ARHGEF7: variants seen among roughly 807,000 people sequenced by gnomAD.
ARHGEF7 encodes the protein Rho guanine nucleotide exchange factor 7, also known as PAK-interacting exchange factor beta.
ARHGEF7 carries 33 observed loss-of-function variants against 109.8 expected under a neutral mutation model. The observed-to-expected ratio is 0.30, with a 90% CI of 0.23 to 0.40. The LOEUF is 0.40. Among genes scored for constraint, ARHGEF7 ranks in the 10% least tolerant of loss-of-function variants. The probability of loss-of-function intolerance (pLI) is 1.00; values close to 1 mark genes in which losing one functional copy is unlikely to be tolerated. For missense variants in ARHGEF7, 938 were observed against 1,098.5 expected, an observed-to-expected ratio of 0.85 and a Z score of 2.07; for synonymous variants, 458 against 424.6, an observed-to-expected ratio of 1.08 and a Z score of -0.97.
intron 1 of ARHGEF7, among the ~76,000 whole-genome samples, chr13:111,118,286 C>T (rs561723685): frequency 4.2e-4 from 64 of 152,318 alleles, no homozygotes; most frequent in African/African-American, 1.5e-3. Flanking sequence ...GCAGAGAGGA[C>T]GTTCACGGCG....
At position 111,131,693 on chromosome 13, in the gene ARHGEF7, G is replaced by T. The variant is rs1028692900; in HGVS notation, c.165+16002G>T. Among the ~76,000 whole-genome samples, 4 of 152,260 alleles carry T rather than the reference G, an allele frequency of 2.6e-5. No homozygotes were observed. Among genetic ancestry groups the T allele is most frequent in the Non-Finnish European group, 5.9e-5 (4 of 68,014 alleles). Reference sequence around the variant, plus strand: ...GACGGGCAGTGACCTGAGGTCAGGGGACGAGAGTGCTGGTGTGTTTCTGAG... The same window carrying T: ...GACGGGCAGTGACCTGAGGTCAGGGTACGAGAGTGCTGGTGTGTTTCTGAG... On this transcript the variant is annotated intron_variant, in intron 1 of 21. Coordinates refer to ENST00000646102, the MANE Select transcript of ARHGEF7 (RefSeq NM_001354046.2). The surrounding 1 kb of genome is among the most constrained non-coding windows in gnomAD (Gnocchi z 4.4).
chr13:111,181,194 C>T (rs1474149543), intron 2 of ARHGEF7, among the ~76,000 whole-genome samples: 1 of 152,142 alleles, frequency 6.6e-6, no homozygotes, highest in African/African-American at 2.4e-5. Context: ...TAGTGTGGAT[C>T]ATGGTCAAGA....
At chr13:111,260,176 CAT>C (rs1223037124) in intron 8 of ARHGEF7, among the ~76,000 whole-genome samples, 1 of 152,152 alleles carries the variant, frequency 6.6e-6, no homozygotes, top group Non-Finnish European at 1.5e-5. Context: ...TAAAGAGAGA[CAT>C]AGGGGTAGAA....
chr13:111,296,287 T>A (rs1278085221), intron 19 of ARHGEF7, among the ~76,000 whole-genome samples: 1 of 152,228 alleles, frequency 6.6e-6, no homozygotes, highest in African/African-American at 2.4e-5. Context: ...ATCCCTAAAA[T>A]GTTAAGTTTT....
chr13:111,260,461 A>C (rs1566990119), intron 8 of ARHGEF7, among the ~76,000 whole-genome samples: 1 of 152,240 alleles, frequency 6.6e-6, no homozygotes, highest in Non-Finnish European at 1.5e-5. Flanking sequence ...TGGGCCTGAC[A>C]TATTTAAATT....
At chr13:111,264,859 A>G (rs999024887) in intron 8 of ARHGEF7, among the ~76,000 whole-genome samples, 1 of 152,184 alleles carries the variant, frequency 6.6e-6, no homozygotes, top group African/African-American at 2.4e-5. Flanking sequence ...TATTTACCGT[A>G]ACTACATTTG....
chr13:111,158,029 G>A (rs2076472440), intron 2 of ARHGEF7, among the ~76,000 whole-genome samples: 1 of 152,200 alleles, frequency 6.6e-6, no homozygotes, highest in Non-Finnish European at 1.5e-5. Context: ...AAGGATATAA[G>A]ATTCCAGTTA....
chr13:111,120,245 A>G (rs1292337325), intron 1 of ARHGEF7, among the ~76,000 whole-genome samples: 1 of 152,250 alleles, frequency 6.6e-6, no homozygotes, highest in African/African-American at 2.4e-5. Context: ...AAAAGAAAGC[A>G]AACAAACTGA....
At chr13:111,222,528 C>G (rs1483447410) in intron 5 of ARHGEF7, among the ~76,000 whole-genome samples, 2 of 152,192 alleles carry the variant, frequency 1.3e-5, no homozygotes, top group Non-Finnish European at 2.9e-5. Flanking sequence ...TTCCTGGGTT[C>G]AAGCGATTCT....
chr13:111,289,919 A>G (rs1234777554), intron 18 of ARHGEF7, among the ~76,000 whole-genome samples: 1 of 152,190 alleles, frequency 6.6e-6, no homozygotes, highest in South Asian at 2.1e-4. Context: ...AAAAATATCC[A>G]TTTGTAGTGA....
chr13:111,206,335 G>A (rs1240985652), intron 3 of ARHGEF7, among the ~76,000 whole-genome samples: 3 of 152,036 alleles, frequency 2.0e-5, no homozygotes, highest in Non-Finnish European at 4.4e-5. Context: ...CGGTGGTGCA[G>A]GGACTGTCCT....
intron 2 of ARHGEF7, among the ~76,000 whole-genome samples, chr13:111,159,257 T>G (rs1157395974): frequency 6.6e-6 from 1 of 152,240 alleles, no homozygotes; most frequent in Non-Finnish European, 1.5e-5. Flanking sequence ...TGTGTATATA[T>G]CCCACATTTT....
At chr13:111,249,571 C>T (rs955989646) in intron 8 of ARHGEF7, among the ~76,000 whole-genome samples, 1 of 151,994 alleles carries the variant, frequency 6.6e-6, no homozygotes, top group African/African-American at 2.4e-5. Flanking sequence ...GTCAGTTGTG[C>T]GTTTTTCTCA....
chr13:111,157,724 G>T (rs1044798319), intron 2 of ARHGEF7, among the ~76,000 whole-genome samples: 3 of 152,204 alleles, frequency 2.0e-5, no homozygotes, highest in Non-Finnish European at 4.4e-5. Context: ...TCTGTTTCCA[G>T]TATTTTGCTA....
rs1351348730 is a variant in ARHGEF7 at position 111,145,127 on chromosome 13, C to T, written c.166-8778C>T. Among the ~76,000 whole-genome samples the T allele has an allele frequency of 6.6e-6, 1 of 151,996 alleles. No homozygotes were observed. Among genetic ancestry groups the T allele is most frequent in the Admixed American group, 6.6e-5 (1 of 15,260 alleles). ...ACATAACTTGGAGATTGTGACATAT[C>T]AGGATATAAAGCTGCCCCTTTTTTA... is the stretch of plus-strand genomic sequence containing the variant. On this transcript the variant is annotated intron_variant, in intron 1 of 21. Transcript: ENST00000646102. The surrounding 1 kb of genome is among the most constrained non-coding windows in gnomAD (Gnocchi z 4.3).
At chr13:111,146,928 T>C (rs2075623679) in intron 1 of ARHGEF7, among the ~76,000 whole-genome samples, 1 of 152,248 alleles carries the variant, frequency 6.6e-6, no homozygotes, top group African/African-American at 2.4e-5. Context: ...GAAGGAAAAT[T>C]GTAATGATTC....
At chr13:111,172,319 C>T (rs2077679282) in intron 2 of ARHGEF7, among the ~76,000 whole-genome samples, 2 of 151,694 alleles carry the variant, frequency 1.3e-5, no homozygotes, top group Non-Finnish European at 2.9e-5. Context: ...AAATTCAGTT[C>T]TATAAATGGA....
chr13:111,217,034 C>T (rs1280654071), intron 4 of ARHGEF7, among the ~76,000 whole-genome samples: 1 of 152,204 alleles, frequency 6.6e-6, no homozygotes, highest in African/African-American at 2.4e-5. Flanking sequence ...CTTTTAGATA[C>T]TGTTGCTGGG....
At chr13:111,292,556 C>T (rs1295147071) in intron 19 of ARHGEF7, 30 of 1,364,228 alleles carry the variant, frequency 2.2e-5, no homozygotes, top group Non-Finnish European at 2.7e-5. Flanking sequence ...AGCCTACATC[C>T]GAGGGTGCTC....
Sources: gnomAD v4.1 joint callset for allele counts (sites outside exome capture counted in the v4.1 genomes callset) on GRCh38, gnomAD v4.1.1 for gene constraint, Gnocchi (gnomAD v3.1) non-coding constraint, MANE v1.5 for transcripts, NCBI Gene and HGNC (gene_info 2026-07-23, HGNC 2026-07-21) for gene names.